Variants in HACE1 observed in about 807,000 individuals in gnomAD.
The protein encoded by HACE1 is HECT domain and ankyrin repeat containing E3 ubiquitin protein ligase 1.
A neutral mutation model predicts 118.4 loss-of-function variants in HACE1; 73 were observed. The ratio of observed to expected loss-of-function variants is 0.62; its 90% confidence interval spans 0.51 to 0.75. HACE1 has a LOEUF of 0.75. Among genes scored for constraint, HACE1 ranks in the 30% least tolerant of loss-of-function variants. The pLI is 0.00. For missense variants in HACE1, 749 were observed against 1,102.2 expected (o/e 0.68, Z 4.54); for synonymous variants, 368 against 374.8 (o/e 0.98, Z 0.21).
intron 22 of HACE1, among the ~76,000 whole-genome samples, chr6:104,740,547 C>T (rs1317481028): frequency 6.6e-6 from 1 of 152,048 alleles, no homozygotes; most frequent in Non-Finnish European, 1.5e-5. Context: ...TGCAAATAAA[C>T]TAGAAAATCT....
chr6:104,759,606 T>G (rs1050152382), intron 19 of HACE1, among the ~76,000 whole-genome samples: 1 of 152,076 alleles, frequency 6.6e-6, no homozygotes, highest in African/African-American at 2.4e-5. Context: ...AGGAGAGATC[T>G]AAAATCAACA....
intron 6 of HACE1, among the ~76,000 whole-genome samples, chr6:104,821,014 A>C (rs1772654928): frequency 1.3e-5 from 2 of 152,200 alleles, no homozygotes; most frequent in African/African-American, 4.8e-5. Flanking sequence ...AGCCATAAAA[A>C]AGAACGTGAC....
At chr6:104,832,242 T>C (rs1458058669) in intron 6 of HACE1, among the ~76,000 whole-genome samples, 1 of 152,234 alleles carries the variant, frequency 6.6e-6, no homozygotes, top group African/African-American at 2.4e-5. Context: ...ATGAACATTA[T>C]AAATGTTAAA....
intron 7 of HACE1, among the ~76,000 whole-genome samples, chr6:104,802,490 A>G (rs1026724583): frequency 3.3e-5 from 5 of 152,252 alleles, no homozygotes; most frequent in Non-Finnish European, 7.3e-5. Context: ...CAGCAAATGT[A>G]AAAGAACAGA....
At chr6:104,816,128 C>A (rs1772090311) in intron 6 of HACE1, among the ~76,000 whole-genome samples, 1 of 151,262 alleles carries the variant, frequency 6.6e-6, no homozygotes, top group African/African-American at 2.4e-5. Context: ...GCAGCCTGAC[C>A]ATGCAGTAGA....
chr6:104,797,604 G>A (rs949916756), intron 7 of HACE1, among the ~76,000 whole-genome samples: 9 of 152,008 alleles, frequency 5.9e-5, no homozygotes, highest in East Asian at 1.9e-4. Flanking sequence ...TCTAGCTTTC[G>A]ATCTTCATTT....
intron 1 of HACE1, 42 bp from the exon 2 acceptor site, chr6:104,852,413 G>A: frequency 8.8e-7 from 1 of 1,139,990 alleles, no homozygotes; most frequent in Non-Finnish European, 1.3e-6. Flanking sequence ...CCCCTACTTT[G>A]TGCAAGGGGT....
intron 19 of HACE1, among the ~76,000 whole-genome samples, chr6:104,763,297 A>T (rs1779613064): frequency 6.6e-6 from 1 of 152,168 alleles, no homozygotes. Flanking sequence ...AACAAATCTC[A>T]TAGTACAGAT....
At chr6:104,780,311 C>A (rs1024681161) in intron 14 of HACE1, 3 of 443,206 alleles carry the variant, frequency 6.8e-6, no homozygotes, top group South Asian at 4.9e-5. Context: ...AACACCTACA[C>A]AGCCAAATGG....
chr6:104,768,287 TA>T (rs1780221483), intron 19 of HACE1, among the ~76,000 whole-genome samples: 1 of 152,048 alleles, frequency 6.6e-6, no homozygotes. Flanking sequence ...AGTCGAACTC[TA>T]AACATGACAA....
chr6:104,781,968 T>C (rs538632788), intron 14 of HACE1, among the ~76,000 whole-genome samples: 20 of 152,242 alleles, frequency 1.3e-4, no homozygotes, highest in African/African-American at 3.6e-4. Context: ...GAAAAAGGAA[T>C]AGAAAGTAAA....
At chr6:104,733,930 A>G (rs1775494734) in intron 22 of HACE1, among the ~76,000 whole-genome samples, 1 of 151,938 alleles carries the variant, frequency 6.6e-6, no homozygotes, top group African/African-American at 2.4e-5. Flanking sequence ...AGGCAGGTGG[A>G]TCACTTGAGG....
At position 104,772,047 on chromosome 6, in the gene HACE1, G is replaced by C; in HGVS notation, c.1892C>G (p.Ser631Cys). 1 of 1,603,972 alleles carries C rather than the reference G, an allele frequency of 6.2e-7. No homozygotes were observed. The highest frequency in any genetic ancestry group is 8.5e-7 in the Non-Finnish European group (1 of 1,171,098). Residue 631 changes from serine to cysteine, a missense_variant, in exon 18 of 24, where the codon TCT (serine) becomes TGT (cysteine). Around this residue, in one of 5 missense-constraint regions of HACE1, gnomAD observed 195 missense variants for 322.1 expected, o/e 0.61. Coordinates refer to ENST00000262903, the MANE Select transcript of HACE1 (RefSeq NM_020771.4). ...GTTCAAGTGATCAGGATTTACATAA[G>C]AGTTGCTATTAGGCTGAAAAGTTGT... ...DGTTFQPNSN[S>C]YVNPDHLNYF...
At chr6:104,753,103 T>C (rs1778236226) in intron 19 of HACE1, among the ~76,000 whole-genome samples, 1 of 152,288 alleles carries the variant, frequency 6.6e-6, no homozygotes, top group Non-Finnish European at 1.5e-5. Flanking sequence ...TCAAACATAA[T>C]AAAACAAATT....
At chr6:104,856,553 G>A (rs1284649312) in intron 1 of HACE1, among the ~76,000 whole-genome samples, 1 of 151,864 alleles carries the variant, frequency 6.6e-6, no homozygotes, top group African/African-American at 2.4e-5. Context: ...TCCTGCCTCA[G>A]CCTCCCAAGT....
intron 6 of HACE1, among the ~76,000 whole-genome samples, chr6:104,818,354 A>G (rs1404616938): frequency 6.6e-6 from 1 of 152,152 alleles, no homozygotes; most frequent in African/African-American, 2.4e-5. Flanking sequence ...TGAGATGGAA[A>G]GTAGCAACGG....
At chr6:104,790,316 G>GTA (rs1234455848) in intron 11 of HACE1, among the ~76,000 whole-genome samples, 2 of 152,156 alleles carry the variant, frequency 1.3e-5, no homozygotes, top group African/African-American at 4.8e-5. Context: ...GAATCATTTA[G>GTA]TATAGAACAC....
At chr6:104,847,688 A>G (rs1775792124) in intron 4 of HACE1, among the ~76,000 whole-genome samples, 1 of 152,170 alleles carries the variant, frequency 6.6e-6, no homozygotes, top group African/African-American at 2.4e-5. Flanking sequence ...CCATCTTATT[A>G]GGCAGCCAAC....
At chr6:104,760,382 G>A (rs576878190) in intron 19 of HACE1, among the ~76,000 whole-genome samples, 1 of 152,290 alleles carries the variant, frequency 6.6e-6, no homozygotes, top group Admixed American at 6.5e-5. Context: ...GGGATGCAAG[G>A]CTGGTTCAAC....
Sources: gnomAD v4.1 joint callset for allele counts (sites outside exome capture counted in the v4.1 genomes callset) on GRCh38, gnomAD v4.1.1 for gene constraint, gnomAD v4.1.1 regional missense constraint, MANE v1.5 for transcripts, NCBI Gene and HGNC (gene_info 2026-07-23, HGNC 2026-07-21) for gene names.